NCOR1: variants seen among roughly 807,000 people sequenced by gnomAD.
NCOR1 encodes the protein nuclear receptor corepressor 1, also known as protein phosphatase 1, regulatory subunit 109.
In NCOR1, 63 loss-of-function variants were observed where a neutral mutation model predicts 288.1. The observed-to-expected ratio is 0.22, with a 90% CI of 0.18 to 0.27. NCOR1 has a LOEUF of 0.27. Ranked by LOEUF, NCOR1 falls within the 10% of genes least tolerant of loss-of-function variation. NCOR1 has a pLI of 1.00. For synonymous variants in NCOR1, 1,007 were observed against 1,065.9 expected, an observed-to-expected ratio of 0.94 and a Z score of 1.08; for missense variants, 2,397 against 3,019.2, an observed-to-expected ratio of 0.79 and a Z score of 4.83.
intron 33 of NCOR1, 134 bp downstream of exon 33, chr17:16,065,351 C>T: frequency 9.5e-7 from 1 of 1,047,746 alleles, no homozygotes; most frequent in South Asian, 1.6e-5. Context: ...GCTAAAAAGT[C>T]TACGGGAGGA....
At chr17:16,067,825 C>A in intron 32 of NCOR1, 69 bp downstream of exon 32, 1 of 1,414,362 alleles carries the variant, frequency 7.1e-7, no homozygotes, top group Non-Finnish European at 9.6e-7. Flanking sequence ...TGTACAACAA[C>A]AGAAAGCTGA....
At chr17:16,172,849 C>T (rs1375953376) in intron 3 of NCOR1, among the ~76,000 whole-genome samples, 1 of 152,136 alleles carries the variant, frequency 6.6e-6, no homozygotes, top group Non-Finnish European at 1.5e-5. Context: ...TATCTCATGG[C>T]CAACCTGTAA....
chr17:16,035,019 T>C, intron 44 of NCOR1, 75 bp from the exon 45 acceptor site: 1 of 1,398,416 alleles, frequency 7.2e-7, no homozygotes, highest in East Asian at 2.4e-5. Context: ...TGATTATATA[T>C]TGCTAAATGA....
chr17:16,210,645 G>A (rs776638466), intron 1 of NCOR1, among the ~76,000 whole-genome samples: 1 of 151,858 alleles, frequency 6.6e-6, no homozygotes, highest in East Asian at 1.9e-4. Flanking sequence ...TATTTTCATT[G>A]CCAAAATTTA....
At chr17:16,117,853 CAGTA>C (rs1308095798) in intron 18 of NCOR1, 31 bp downstream of exon 18, 1 of 1,595,802 alleles carries the variant, frequency 6.3e-7, no homozygotes, top group Admixed American at 1.7e-5. Context: ...AAGTAAAAAA[CAGTA>C]AGTAAAGAGT....
chr17:16,127,518 T>G (rs781449125), intron 14 of NCOR1, among the ~76,000 whole-genome samples: 2 of 147,378 alleles, frequency 1.4e-5, no homozygotes, highest in Non-Finnish European at 3.0e-5. Flanking sequence ...TATGTGTATA[T>G]ACACACGTGT....
intron 15 of NCOR1, among the ~76,000 whole-genome samples, chr17:16,124,512 T>C (rs980947947): frequency 1.2e-4 from 18 of 152,206 alleles, no homozygotes; most frequent in Admixed American, 1.0e-3. Context: ...AACACATCAA[T>C]GTACACATTT....
In NCOR1 at chr17:16,127,361, A is replaced by G. The variant is rs568848036; in HGVS notation, c.1510-1155T>C. Among the ~76,000 whole-genome samples, 25 of 139,256 alleles carry G rather than the reference A, an allele frequency of 1.8e-4. 8 individuals are homozygous for G. Among genetic ancestry groups the G allele is most frequent in the African/African-American group, 2.7e-4 (10 of 36,482 alleles). The allele number at this position is 139,256 out of a possible 152,430, so 91.4% of individuals were successfully genotyped here. ...TACATGTATGTATATATGTATGTAT[A>G]TATACATGTATGTATATATGTATGT... On this transcript the variant is annotated intron_variant, in intron 14 of 45. Coordinates refer to ENST00000268712, the MANE Select transcript of NCOR1 (RefSeq NM_006311.4).
chr17:16,175,195 C>T (rs538972203), intron 3 of NCOR1, among the ~76,000 whole-genome samples: 1 of 152,054 alleles, frequency 6.6e-6, no homozygotes, highest in Admixed American at 6.5e-5. Context: ...GGTGAAAGCC[C>T]GTCTCTACAA....
intron 17 of NCOR1, 34 bp downstream of exon 17, chr17:16,119,388 CA>C: frequency 6.6e-7 from 1 of 1,524,544 alleles, no homozygotes; most frequent in Non-Finnish European, 9.0e-7. Context: ...AAAAACAAAA[CA>C]AAAACCTGAG....
Position 16,061,655 on chromosome 17 carries a change from C to A in NCOR1, c.5627G>T (p.Arg1876Ile), listed in dbSNP as rs2060557128. 1 of 1,614,148 alleles carries A rather than the reference C, an allele frequency of 6.2e-7. No individual in the cohort carries two copies. The highest frequency in any genetic ancestry group is 1.3e-5 in the African/African-American group (1 of 74,944). The change falls in exon 37 of 46, where the codon AGA (arginine) becomes ATA (isoleucine). Residue 1876 changes from arginine (R) to isoleucine (I), a missense_variant. Arg to Ile is a moderately conservative substitution (Grantham distance 97). Around this residue, in one of 11 missense-constraint regions of NCOR1, gnomAD observed 1,872 missense variants for 2,187.8 expected, o/e 0.86. Transcript: ENST00000268712. Reference sequence around the variant, plus strand: ...AGAAGTGTATAAACACTGAACAGATCTCTTCTCCACCTCCAGGGTTTTCTG... The same window carrying A: ...AGAAGTGTATAAACACTGAACAGATATCTTCTCCACCTCCAGGGTTTTCTG... ...LEQKTLEVEK[R>I]SVQCLYTSSA...
At chr17:16,127,273 G>GTA (rs1254799479) in intron 14 of NCOR1, among the ~76,000 whole-genome samples, 1 of 98,682 alleles carries the variant, frequency 1.0e-5, no homozygotes, top group Admixed American at 1.0e-4. Context: ...ATATATGTAT[G>GTA]TATATATACG....
At chr17:16,053,939 T>C (rs955682081) in intron 40 of NCOR1, among the ~76,000 whole-genome samples, 5 of 151,700 alleles carry the variant, frequency 3.3e-5, no homozygotes, top group Non-Finnish European at 7.4e-5. Context: ...AAACAAGCAA[T>C]GAGGAAAGAA....
chr17:16,192,212 CTTAAA>C (rs1382624715), intron 2 of NCOR1: 4 of 150,698 alleles, frequency 2.7e-5, no homozygotes, highest in Non-Finnish European at 4.4e-5. Context: ...AGAGAAAACT[CTTAAA>C]AAGTAACCAG....
At chr17:16,180,710 T>C (rs2085221922) in intron 3 of NCOR1, among the ~76,000 whole-genome samples, 1 of 152,032 alleles carries the variant, frequency 6.6e-6, no homozygotes, top group South Asian at 2.1e-4. Context: ...ATCATGCCAC[T>C]GTACTCCAGC....
intron 44 of NCOR1, chr17:16,039,162 G>GTA: frequency 2.3e-6 from 1 of 435,732 alleles, no homozygotes; most frequent in East Asian, 4.2e-5. Context: ...AATGCAGTAT[G>GTA]TATAGATGAG....
intron 17 of NCOR1, 54 bp from the exon 18 acceptor site, chr17:16,118,081 A>C (rs2072083128): frequency 1.3e-6 from 2 of 1,548,920 alleles, no homozygotes; most frequent in Non-Finnish European, 8.8e-7. Context: ...GATCAAGCAA[A>C]CAAGAGAAAT....
intron 40 of NCOR1, chr17:16,056,893 C>T (rs1202665833): frequency 1.3e-5 from 2 of 150,726 alleles, no homozygotes; most frequent in African/African-American, 4.9e-5. Context: ...TGTATCTATA[C>T]ATACATATAT....
At chr17:16,089,235 T>C (rs770519806) in intron 22 of NCOR1, among the ~76,000 whole-genome samples, 4 of 151,550 alleles carry the variant, frequency 2.6e-5, no homozygotes, top group African/African-American at 9.7e-5. Context: ...AAAATAAACA[T>C]GCAACAAACT....
Sources: gnomAD v4.1 joint callset for allele counts (sites outside exome capture counted in the v4.1 genomes callset) on GRCh38, gnomAD v4.1.1 for gene constraint, gnomAD v4.1.1 regional missense constraint, MANE v1.5 for transcripts, NCBI Gene and HGNC (gene_info 2026-07-23, HGNC 2026-07-21) for gene names.